Variants in COL4A2 observed in about 807,000 individuals in gnomAD.
COL4A2 encodes collagen alpha-2(IV) chain.
A neutral mutation model predicts 200.2 loss-of-function variants in COL4A2; 99 were observed. The ratio of observed to expected loss-of-function variants is 0.49; its 90% confidence interval spans 0.42 to 0.58. The LOEUF is 0.58. Ranked by LOEUF, COL4A2 falls within the 20% of genes least tolerant of loss-of-function variation. The probability of loss-of-function intolerance (pLI) is 0.00; values close to 1 mark genes in which losing one functional copy is unlikely to be tolerated. For missense variants in COL4A2, 1,950 were observed against 2,314.1 expected (o/e 0.84, Z 3.23); for synonymous variants, 897 against 900.6 (o/e 1.00, Z 0.07).
At chr13:110,420,691 G>C (rs1880214467) in intron 4 of COL4A2, among the ~76,000 whole-genome samples, 1 of 152,202 alleles carries the variant, frequency 6.6e-6, no homozygotes, top group Admixed American at 6.5e-5. Flanking sequence ...GATGGAAGTT[G>C]ATAAGGACGA....
intron 4 of COL4A2, among the ~76,000 whole-genome samples, chr13:110,391,600 T>C (rs1878982417): frequency 6.6e-6 from 1 of 152,208 alleles, no homozygotes; most frequent in Non-Finnish European, 1.5e-5. Context: ...CCTCTGAAAA[T>C]TGGCTCTACC....
At chr13:110,481,621 C>T (rs868494109) in intron 31 of COL4A2, among the ~76,000 whole-genome samples, 36 of 96,284 alleles carry the variant, frequency 3.7e-4, no homozygotes, top group East Asian at 1.4e-3. Context: ...TCTGTCCCTC[C>T]GTTGCTGGAG....
chr13:110,480,116 C>T (rs1882847197), intron 30 of COL4A2, 104 bp from the exon 31 acceptor site: 1 of 1,269,594 alleles, frequency 7.9e-7, no homozygotes, highest in South Asian at 1.6e-5. Flanking sequence ...CACTTTCCTT[C>T]TAAGGAGCTT....
chr13:110,458,085 A>G, intron 21 of COL4A2: 2 of 467,322 alleles, frequency 4.3e-6, no homozygotes, highest in South Asian at 1.6e-5. Flanking sequence ...ACTTCCTGGG[A>G]CTTACCACGT....
chr13:110,421,258 C>A (rs778074180), intron 4 of COL4A2, among the ~76,000 whole-genome samples: 2 of 152,176 alleles, frequency 1.3e-5, no homozygotes, highest in Non-Finnish European at 2.9e-5. Flanking sequence ...CCTAGGAACA[C>A]ACCCAAAAGA....
chr13:110,501,485 C>A (rs1883638195), intron 40 of COL4A2, among the ~76,000 whole-genome samples, 183 bp from the exon 41 acceptor site: 1 of 152,210 alleles, frequency 6.6e-6, no homozygotes, highest in African/African-American at 2.4e-5. Flanking sequence ...CCTGCCCCCC[C>A]AACCCCGCCC....
At chr13:110,417,896 C>T (rs1594202950) in intron 4 of COL4A2, among the ~76,000 whole-genome samples, 2 of 151,762 alleles carry the variant, frequency 1.3e-5, no homozygotes, top group Middle Eastern at 3.4e-3. Context: ...TATAGGCCTT[C>T]GTTTCTCTTA....
intron 4 of COL4A2, among the ~76,000 whole-genome samples, chr13:110,423,250 CT>C (rs763722985): frequency 1.5e-4 from 15 of 100,216 alleles, no homozygotes; most frequent in Middle Eastern, 4.6e-3. Flanking sequence ...AGAGATAGAA[CT>C]TCCCCTCCCC....
At chr13:110,339,796 C>T (rs1473132078) in intron 3 of COL4A2, among the ~76,000 whole-genome samples, 1 of 152,130 alleles carries the variant, frequency 6.6e-6, no homozygotes, top group African/African-American at 2.4e-5. Flanking sequence ...TAGAGGTGCT[C>T]GGTGCCGAGG....
chr13:110,367,233 A>G (rs1222389938), intron 4 of COL4A2, among the ~76,000 whole-genome samples: 2 of 152,258 alleles, frequency 1.3e-5, no homozygotes, highest in African/African-American at 4.8e-5. Flanking sequence ...TAACTCTTAG[A>G]GGTTTGGAAC....
At chr13:110,410,236 C>T (rs184286008) in intron 4 of COL4A2, among the ~76,000 whole-genome samples, 10 of 152,344 alleles carry the variant, frequency 6.6e-5, no homozygotes, top group South Asian at 2.1e-4. Context: ...TGGGCCACGT[C>T]CCCTGTCCCC....
At chr13:110,379,730 A>C (rs1049821280) in intron 4 of COL4A2, among the ~76,000 whole-genome samples, 1 of 152,136 alleles carries the variant, frequency 6.6e-6, no homozygotes, top group African/African-American at 2.4e-5. Context: ...ACCGTGTTTT[A>C]TCTCTAAAAT....
chr13:110,327,427 T>C (rs1885448368), intron 3 of COL4A2, among the ~76,000 whole-genome samples: 2 of 152,226 alleles, frequency 1.3e-5, no homozygotes, highest in African/African-American at 4.8e-5. Context: ...ATCTGTGATA[T>C]CACCTCCACC....
At chr13:110,480,032 C>A (rs968093348) in intron 30 of COL4A2, among the ~76,000 whole-genome samples, 188 bp from the exon 31 acceptor site, 2 of 152,352 alleles carry the variant, frequency 1.3e-5, no homozygotes, top group Non-Finnish European at 2.9e-5. Context: ...CAGATACAGA[C>A]CTCTCCAGAA....
chr13:110,479,191 G>T (rs981742453), intron 30 of COL4A2, among the ~76,000 whole-genome samples: 1 of 152,320 alleles, frequency 6.6e-6, no homozygotes, highest in East Asian at 1.9e-4. Context: ...ACACAGCGTC[G>T]TGTGGTGCTT....
intron 4 of COL4A2, among the ~76,000 whole-genome samples, chr13:110,424,105 C>G (rs921011668): frequency 2.0e-5 from 3 of 152,116 alleles, no homozygotes; most frequent in Non-Finnish European, 4.4e-5. Context: ...TAAGGAGCCG[C>G]CAGAGTGTTT....
intron 21 of COL4A2, chr13:110,458,129 G>A (rs1255658474): frequency 4.3e-6 from 2 of 470,392 alleles, no homozygotes; most frequent in Non-Finnish European, 4.4e-6. Context: ...GATGTGCAGT[G>A]CATTCAGCAC....
intron 4 of COL4A2, among the ~76,000 whole-genome samples, chr13:110,394,748 C>T (rs1199504053): frequency 2.0e-5 from 3 of 152,140 alleles, no homozygotes; most frequent in African/African-American, 4.8e-5. Context: ...CTTGCCTTTG[C>T]CTTTGCTAGA....
At chr13:110,484,798 G>C in intron 32 of COL4A2, 107 bp from the exon 33 acceptor site, 5 of 1,429,184 alleles carry the variant, frequency 3.5e-6, no homozygotes, top group Non-Finnish European at 4.6e-6. Context: ...AGGCTTCCCT[G>C]CTTGGGGGAG....
Sources: allele counts gnomAD v4.1 joint callset (sites outside exome capture counted in the v4.1 genomes callset), GRCh38; gene constraint gnomAD v4.1.1; transcripts MANE v1.5; gene names NCBI Gene and HGNC (gene_info 2026-07-23, HGNC 2026-07-21).